MLEC: variants seen among roughly 807,000 people sequenced by gnomAD.
The protein encoded by MLEC is oligosaccharyltransferase complex subunit (non-catalytic).
A neutral mutation model predicts 28.7 loss-of-function variants in MLEC; 7 were observed. That is an observed-to-expected ratio of 0.24 (90% CI 0.14 to 0.46). The LOEUF (loss-of-function observed/expected upper bound fraction) is 0.46, where lower values mean the gene tolerates loss of function less well. Ranked by LOEUF, MLEC falls within the 20% of genes least tolerant of loss-of-function variation. The pLI, the probability that MLEC is intolerant of heterozygous loss-of-function variation, is 0.99. For missense variants in MLEC, 237 were observed against 391.1 expected (o/e 0.61, Z 3.32); for synonymous variants, 142 against 164.4 (o/e 0.86, Z 1.04).
chr12:120,687,324 A>G lies in MLEC; in HGVS notation c.28A>G (p.Thr10Ala), dbSNP rs1881859309. The G allele has an allele frequency of 7.2e-7, 1 of 1,394,104 alleles. No homozygotes were observed. The allele number at this position is 1,394,104 out of a possible 1,614,324, so 86.4% of individuals were successfully genotyped here. Residue 10 changes from threonine to alanine, a missense_variant, in exon 1 of 5, where the codon ACC becomes GCC. Thr to Ala is a moderately conservative substitution (Grantham distance 58, BLOSUM62 0). Transcript: ENST00000228506. The surrounding 1 kb of genome is among the most constrained non-coding windows in gnomAD (Gnocchi z 8.1). MLGAWAVEG[T>A]AVALLRLLLL... ...GCTGGGAGCCTGGGCGGTTGAGGGA[A>G]CCGCTGTGGCGCTCCTGCGACTGCT...
chr12:120,687,836 A>C lies in MLEC; in HGVS notation c.235+305A>C, dbSNP rs866213634. ...GAAATGACGAAGGCGGCCTTTTGCTACCTCCAGGCCTCGCGGGTTGTAGGT... is the reference window on the plus strand; with the variant it reads ...GAAATGACGAAGGCGGCCTTTTGCTCCCTCCAGGCCTCGCGGGTTGTAGGT... On this transcript the variant is annotated intron_variant, in intron 1 of 4. Coordinates refer to ENST00000228506, the MANE Select transcript of MLEC (RefSeq NM_014730.4). This position sits in a 1 kb window ranked among gnomAD's most constrained non-coding sequence, Gnocchi z 8.1. Among the ~76,000 whole-genome samples, 1 of 151,918 alleles carries C rather than the reference A, an allele frequency of 6.6e-6. No homozygotes were observed. Among genetic ancestry groups the C allele is most frequent in the Admixed American group, 6.5e-5 (1 of 15,274 alleles).
rs1441870511 is a variant in MLEC, at chr12:120,694,132, C to G, written c.277C>G (p.Pro93Ala). The G allele has an allele frequency of 1.9e-6, 3 of 1,614,132 alleles. No individual in the cohort carries two copies. Among genetic ancestry groups the G allele is most frequent in the South Asian group, 1.1e-5 (1 of 91,072 alleles). The part of the protein sequence containing the change: ...GMKLPILRSN[P>A]EDQILYQTER... ...GAAACTGCCAATCCTGCGTTCCAAC[C>G]CTGAGGACCAGATCCTGTATCAAAC... Residue 93 changes from proline to alanine, a missense_variant, in exon 2 of 5, where the codon CCT becomes GCT. By Grantham distance (27) the Pro-to-Ala change is conservative (BLOSUM62 -1). Coordinates refer to ENST00000228506, the MANE Select transcript of MLEC (RefSeq NM_014730.4). This position sits in a 1 kb window ranked among gnomAD's most constrained non-coding sequence, Gnocchi z 4.5.
At chr12:120,688,936 G>A (rs1881932214) in intron 1 of MLEC, among the ~76,000 whole-genome samples, 1 of 152,194 alleles carries the variant, frequency 6.6e-6, no homozygotes, top group African/African-American at 2.4e-5. Context: ...CTCTATCCTG[G>A]ACCCTTCCTC....
At chr12:120,693,594 G>C (rs1346044400) in intron 1 of MLEC, among the ~76,000 whole-genome samples, 4 of 152,226 alleles carry the variant, frequency 2.6e-5, no homozygotes, top group Non-Finnish European at 5.9e-5. Context: ...AATGAAGAAT[G>C]ACTTTCCAAA....
At position 120,694,790 on chromosome 12, in the gene MLEC, G is replaced by A. The variant is rs768945655; in HGVS notation, c.415-34G>A. ...TGCTTGAAAGGATGTAAAGCTGATGGTTTTGACATTGTTTTCTTTTCTTAT... is the reference window on the plus strand; with the variant it reads ...TGCTTGAAAGGATGTAAAGCTGATGATTTTGACATTGTTTTCTTTTCTTAT... On this transcript the variant is annotated intron_variant, in intron 2 of 4. Coordinates refer to ENST00000228506, the MANE Select transcript of MLEC (RefSeq NM_014730.4). The surrounding 1 kb of genome is among the most constrained non-coding windows in gnomAD (Gnocchi z 4.5). 7 of 1,581,988 alleles carry A rather than the reference G, an allele frequency of 4.4e-6. No homozygotes were observed. The South Asian group carries it at 6.9e-5, about 16-fold the overall frequency.
At position 120,687,399 on chromosome 12, in the gene MLEC, G is replaced by A. The variant is rs752156267; in HGVS notation, c.103G>A (p.Gly35Ser). Residue 35 changes from glycine (G) to serine (S), a missense_variant, in exon 1 of 5, where the codon GGC becomes AGC. Physicochemically the swap from Gly to Ser is moderately conservative, Grantham distance 56. Transcript: ENST00000228506. The surrounding 1 kb of genome is among the most constrained non-coding windows in gnomAD (Gnocchi z 8.1). ...AIRGPGLGVA[G>S]VAGAAGAGLP... ...CCGGGGACCCGGGCTCGGCGTGGCCGGCGTGGCCGGCGCGGCGGGGGCCGG... is the reference window on the plus strand; with the variant it reads ...CCGGGGACCCGGGCTCGGCGTGGCCAGCGTGGCCGGCGCGGCGGGGGCCGG... 1 of 1,385,974 alleles carries A rather than the reference G, an allele frequency of 7.2e-7. No homozygotes were observed. The highest frequency in any genetic ancestry group is 3.3e-5 in the Admixed American group (1 of 30,364). The allele number at this position is 1,385,974 out of a possible 1,614,324, so 85.9% of individuals were successfully genotyped here.
intron 1 of MLEC, among the ~76,000 whole-genome samples, chr12:120,689,731 G>C (rs766072480): frequency 2.9e-4 from 44 of 152,218 alleles, no homozygotes; most frequent in Non-Finnish European, 3.7e-4. Flanking sequence ...CCCTTGCCTC[G>C]TGCAGCTATT....
intron 1 of MLEC, among the ~76,000 whole-genome samples, chr12:120,692,114 T>C (rs916423970): frequency 2.0e-5 from 3 of 152,080 alleles, no homozygotes; most frequent in East Asian, 3.9e-4. Context: ...GAGCTGAGAT[T>C]GCGCCATTGC....
chr12:120,688,235 T>G (rs1881902317), intron 1 of MLEC, among the ~76,000 whole-genome samples: 1 of 152,196 alleles, frequency 6.6e-6, no homozygotes, highest in Non-Finnish European at 1.5e-5. Flanking sequence ...TAATTCCAGC[T>G]TAGGGGGAAA....
rs1882161743 is a variant in MLEC at position 120,694,685 on chromosome 12, T to C, written c.415-139T>C. 1.2e-6 allele frequency: 1 copy of C among 835,966 alleles called. No homozygotes were observed. The highest frequency in any genetic ancestry group is 1.9e-6 in the Non-Finnish European group (1 of 532,748). The allele number at this position is 835,966 out of a possible 1,614,324, so 51.8% of individuals were successfully genotyped here. On this transcript the variant is annotated intron_variant, in intron 2 of 4. Coordinates refer to ENST00000228506, the MANE Select transcript of MLEC (RefSeq NM_014730.4). The surrounding 1 kb of genome is among the most constrained non-coding windows in gnomAD (Gnocchi z 4.5). ...TTGATTTGACCCGGGTTAAGGATGC[T>C]AACCACCCTGGATATCCAGACCCAT... is the stretch of plus-strand genomic sequence containing the variant.
rs1400955423 is a variant in MLEC at position 120,698,191 on chromosome 12, G to C, written c.*1646G>C. The C allele has an allele frequency of 1.3e-5, 2 of 152,168 alleles. No homozygotes were observed. Among genetic ancestry groups the C allele is most frequent in the African/African-American group, 4.8e-5 (2 of 41,430 alleles). 9.4% of individuals were successfully genotyped at this position (152,168 alleles called of 1,614,324 possible). On this transcript the variant is annotated 3_prime_UTR_variant, in exon 5 of 5. Transcript: ENST00000228506. ...GGCCAGGCCCGCTTTTCTAGAATGTGTTTAATTTTGAGTTTGCTTTATTAG... is the reference window on the plus strand; with the variant it reads ...GGCCAGGCCCGCTTTTCTAGAATGTCTTTAATTTTGAGTTTGCTTTATTAG...
Position 120,694,115 on chromosome 12 carries a change from C to T in MLEC, c.260C>T (p.Pro87Leu), listed in dbSNP as rs756414269. Residue 87 changes from proline to leucine, a missense_variant, in exon 2 of 5, where the codon CCA (proline) becomes CTA (leucine). Coordinates refer to ENST00000228506, the MANE Select transcript of MLEC (RefSeq NM_014730.4). The surrounding 1 kb of genome is among the most constrained non-coding windows in gnomAD (Gnocchi z 4.5). ...GCCTCAGACTATGGCATGAAACTGC[C>T]AATCCTGCGTTCCAACCCTGAGGAC... ...GRASDYGMKL[P>L]ILRSNPEDQI... 1.2e-6 allele frequency: 2 copies of T among 1,614,012 alleles called. No individual in the cohort carries two copies. Among genetic ancestry groups the T allele is most frequent in the Admixed American group, 1.7e-5 (1 of 60,014 alleles).
rs1255644743 is a variant in MLEC, at chr12:120,696,527, C to T, written c.861C>T (p.Phe287=). 4.3e-6 allele frequency: 7 copies of T among 1,614,104 alleles called. No homozygotes were observed. In the African/African-American group the frequency reaches 9.3e-5, roughly 22 times the overall value. The change falls in exon 5 of 5, where the codon TTC becomes TTT. Residue 287 remains phenylalanine (F), a synonymous_variant. Transcript: ENST00000228506. The surrounding 1 kb of genome is among the most constrained non-coding windows in gnomAD (Gnocchi z 5.4). ...VAFGVFIPTL[F]CLCRL is the part of the protein sequence containing the mutation. ...TCGGAGTCTTCATTCCAACCCTCTT[C>T]TGCCTCTGCCGGTTGTGAGAACAAA...
rs1882292685 is a variant in MLEC, at chr12:120,697,701, G to T, written c.*1156G>T. 6.6e-6 allele frequency: 1 copy of T among 152,610 alleles called. No homozygotes were observed. Among genetic ancestry groups the T allele is most frequent in the Non-Finnish European group, 1.5e-5 (1 of 68,058 alleles). 9.5% of individuals were successfully genotyped at this position (152,610 alleles called of 1,614,324 possible). ...TAAGTGACTGACCACTGTTTAGAGT[G>T]TCTGGTATCTGATGTTCATTTATTC... On this transcript the variant is annotated 3_prime_UTR_variant, in exon 5 of 5. Coordinates refer to ENST00000228506, the MANE Select transcript of MLEC (RefSeq NM_014730.4). The surrounding 1 kb of genome is among the most constrained non-coding windows in gnomAD (Gnocchi z 4.8).
At chr12:120,691,393 G>GA (rs1159227910) in intron 1 of MLEC, among the ~76,000 whole-genome samples, 1 of 152,242 alleles carries the variant, frequency 6.6e-6, no homozygotes, top group East Asian at 1.9e-4. Flanking sequence ...CAGACCTAGA[G>GA]AAAACAACTT....
intron 1 of MLEC, among the ~76,000 whole-genome samples, chr12:120,691,512 C>G (rs1882037100): frequency 6.6e-6 from 1 of 152,228 alleles, no homozygotes; most frequent in Non-Finnish European, 1.5e-5. Flanking sequence ...TAATGTAGGC[C>G]CTTCGGCCCC....
At position 120,693,892 on chromosome 12, in the gene MLEC, A is replaced by G. The variant is rs1592917418; in HGVS notation, c.236-199A>G. The G allele has an allele frequency of 7.9e-6, 4 of 505,352 alleles. No homozygotes were observed. In the East Asian group the frequency reaches 9.5e-5, roughly 12 times the overall value. 31.3% of individuals were successfully genotyped at this position (505,352 alleles called of 1,614,324 possible). On this transcript the variant is annotated intron_variant, in intron 1 of 4. Transcript: ENST00000228506. ...GCCTGATTAGTGTTTAGTTTCTTTC[A>G]TTTTACTCTTCCATAGTAATGGCTG...
chr12:120,696,445 C>G lies in MLEC; in HGVS notation c.779C>G (p.Thr260Arg). Residue 260 changes from threonine to arginine, a missense_variant, in exon 5 of 5, where the codon ACA (threonine) becomes AGA (arginine). Coordinates refer to ENST00000228506, the MANE Select transcript of MLEC (RefSeq NM_014730.4). The surrounding 1 kb of genome is among the most constrained non-coding windows in gnomAD (Gnocchi z 5.4). Reference protein sequence around the residue: ...NKNRVQSGPRTPNPYASDNSS... With the variant: ...NKNRVQSGPRRPNPYASDNSS... ...AACCGGGTGCAGTCAGGCCCCCGCA[C>G]ACCCAACCCCTATGCCTCGGACAAC... The G allele has an allele frequency of 1.2e-6, 2 of 1,614,204 alleles. No individual in the cohort carries two copies. The highest frequency in any genetic ancestry group is 1.7e-6 in the Non-Finnish European group (2 of 1,180,034).
chr12:120,698,487 G>A lies in MLEC; in HGVS notation c.*1942G>A, dbSNP rs1286226134. 6.6e-6 allele frequency: 1 copy of A among 152,184 alleles called. No homozygotes were observed. Among genetic ancestry groups the A allele is most frequent in the African/African-American group, 2.4e-5 (1 of 41,424 alleles). The allele number at this position is 152,184 out of a possible 1,614,324, so 9.4% of individuals were successfully genotyped here. A position where few individuals can be genotyped will look rare whatever the true frequency, so the allele number is the denominator to read the frequency against. ...CAGCTCCCCTGCTTCTAAAGGATAA[G>A]GTACTGTAGCCTTGGTCCTGGGGAC... On this transcript the variant is annotated 3_prime_UTR_variant, in exon 5 of 5. Coordinates refer to ENST00000228506, the MANE Select transcript of MLEC (RefSeq NM_014730.4).
Sources: allele counts gnomAD v4.1 joint callset (sites outside exome capture counted in the v4.1 genomes callset), GRCh38; gene constraint gnomAD v4.1.1; non-coding constraint Gnocchi (gnomAD v3.1); transcripts MANE v1.5; gene names NCBI Gene and HGNC (gene_info 2026-07-23, HGNC 2026-07-21).